KAZN: variants seen among roughly 807,000 people sequenced by gnomAD.
KAZN encodes the protein kazrin, periplakin interacting protein.
Under a neutral mutation model 87.4 loss-of-function variants are expected in KAZN, and 40 were observed. The ratio of observed to expected loss-of-function variants is 0.46; its 90% CI spans 0.36 to 0.60. The LOEUF is 0.60. Among genes scored for constraint, KAZN ranks in the 20% least tolerant of loss-of-function variants. The pLI is 0.00. For missense variants in KAZN, 898 were observed against 1,073.9 expected (o/e 0.84, Z 2.29); for synonymous variants, 466 against 458.3 (o/e 1.02, Z -0.22).
intron 1 of KAZN, among the ~76,000 whole-genome samples, chr1:14,659,732 T>C (rs976110496): frequency 6.6e-6 from 1 of 152,156 alleles, no homozygotes; most frequent in South Asian, 2.1e-4. Flanking sequence ...ATGATCCCTA[T>C]TGGCCCTACA....
chr1:13,914,840 G>A (rs560623779), intron 1 of KAZN, among the ~76,000 whole-genome samples: 1 of 152,156 alleles, frequency 6.6e-6, no homozygotes, highest in African/African-American at 2.4e-5. Context: ...TGAGACAGCT[G>A]CAAGGAAATA....
chr1:13,904,353 T>G (rs572030160), intron 1 of KAZN, among the ~76,000 whole-genome samples: 4 of 151,946 alleles, frequency 2.6e-5, no homozygotes, highest in Non-Finnish European at 5.9e-5. Context: ...AAGCAGAAAG[T>G]ATTGCTGGGA....
chr1:14,156,578 A>ATAT (rs2101813935), intron 1 of KAZN, among the ~76,000 whole-genome samples: 1 of 152,322 alleles, frequency 6.6e-6, no homozygotes, highest in Admixed American at 6.5e-5. Context: ...CCCATTTATC[A>ATAT]TTACATAGTG....
At chr1:14,636,276 CT>C (rs1274648176) in intron 1 of KAZN, among the ~76,000 whole-genome samples, 1 of 152,204 alleles carries the variant, frequency 6.6e-6, no homozygotes, top group Non-Finnish European at 1.5e-5. Context: ...CCATTCTGCT[CT>C]GAAATTCCTA....
chr1:14,864,126 C>A (rs368563469), intron 1 of KAZN, among the ~76,000 whole-genome samples: 4 of 152,166 alleles, frequency 2.6e-5, no homozygotes, highest in East Asian at 3.8e-4. Context: ...AGGATTCTAC[C>A]CCCACCAGCA....
chr1:13,907,474 C>A (rs934210350), intron 1 of KAZN, among the ~76,000 whole-genome samples: 3 of 136,036 alleles, frequency 2.2e-5, no homozygotes, highest in African/African-American at 8.3e-5. Context: ...AAGGCAAGGC[C>A]TTTGAGGGGT....
intron 1 of KAZN, among the ~76,000 whole-genome samples, chr1:14,780,657 A>G (rs1645304442): frequency 6.6e-6 from 1 of 152,216 alleles, no homozygotes; most frequent in East Asian, 1.9e-4. Context: ...ACAAAGTACT[A>G]TTCTAGAGGC....
chr1:14,005,628 ACT>A (rs1243142133), intron 1 of KAZN, among the ~76,000 whole-genome samples: 3 of 152,046 alleles, frequency 2.0e-5, no homozygotes, highest in Admixed American at 2.0e-4. Context: ...ATTTGAACTG[ACT>A]CTTTTAGATA....
At chr1:14,827,420 G>A (rs1026168946) in intron 1 of KAZN, among the ~76,000 whole-genome samples, 5 of 152,076 alleles carry the variant, frequency 3.3e-5, no homozygotes, top group African/African-American at 1.2e-4. Context: ...CCCACCCTTT[G>A]CCCTGAGTCC....
At chr1:14,988,804 G>A (rs1480903000) in intron 2 of KAZN, among the ~76,000 whole-genome samples, 1 of 152,196 alleles carries the variant, frequency 6.6e-6, no homozygotes, top group Non-Finnish European at 1.5e-5. Context: ...GGGTCATGGA[G>A]AGGAGAGGGG....
chr1:14,275,704 A>C (rs142786174), intron 2 of KAZN, among the ~76,000 whole-genome samples: 7 of 152,254 alleles, frequency 4.6e-5, no homozygotes, highest in African/African-American at 1.7e-4. Context: ...GAGCCAATAG[A>C]CATTTGGGTT....
At chr1:14,793,690 C>G (rs1465105055) in intron 1 of KAZN, among the ~76,000 whole-genome samples, 2 of 152,172 alleles carry the variant, frequency 1.3e-5, no homozygotes, top group African/African-American at 2.4e-5. Context: ...CGCTCTGTGA[C>G]TTGAGACAGA....
rs369221189 is a variant in KAZN, at chr1:14,087,412, GT to G, written c.92-93019del. On this transcript the variant is annotated intron_variant, in intron 1 of 16. Coordinates refer to the KAZN transcript ENST00000636203. ...ATCATTTAGTCTACAATAAAAGCCA[GT>G]TTTAATTATTTCTTTTTAACTTCTT... Among the ~76,000 whole-genome samples the G allele has an allele frequency of 2.6e-3, 403 of 152,200 alleles. 2 individuals carry two copies. Among genetic ancestry groups the G allele is most frequent in the African/African-American group, 9.1e-3 (380 of 41,562 alleles).
chr1:14,386,035 T>C (rs1293673030), intron 2 of KAZN, among the ~76,000 whole-genome samples: 6 of 151,924 alleles, frequency 3.9e-5, no homozygotes, highest in Non-Finnish European at 8.8e-5. Context: ...AGTTAGCTCT[T>C]CTTGTTGAAT....
At chr1:14,629,377 TC>T (rs1679391982) in intron 1 of KAZN, among the ~76,000 whole-genome samples, 1 of 152,174 alleles carries the variant, frequency 6.6e-6, no homozygotes, top group Admixed American at 6.5e-5. Flanking sequence ...AGTAGGCTGT[TC>T]CCTTTGCTCT....
intron 1 of KAZN, among the ~76,000 whole-genome samples, chr1:13,894,149 C>T (rs1475098737): frequency 1.3e-4 from 20 of 152,146 alleles, no homozygotes; most frequent in Non-Finnish European, 2.2e-4. Flanking sequence ...CAGCTTGCCT[C>T]TCTCTGCTCC....
chr1:14,394,749 T>C (rs906147939), intron 2 of KAZN, among the ~76,000 whole-genome samples: 5 of 152,218 alleles, frequency 3.3e-5, no homozygotes, highest in Non-Finnish European at 5.9e-5. Context: ...GGGCTGGTAT[T>C]AGTGCTTTGC....
chr1:14,720,983 C>G (rs2100284645), intron 1 of KAZN, among the ~76,000 whole-genome samples: 1 of 152,276 alleles, frequency 6.6e-6, no homozygotes, highest in East Asian at 1.9e-4. Context: ...CTGGCTTGGC[C>G]CCTGCCCTTG....
chr1:14,169,674 C>A (rs191475571), intron 1 of KAZN, among the ~76,000 whole-genome samples: 203 of 152,238 alleles, frequency 1.3e-3, no homozygotes, highest in African/African-American at 4.6e-3. Flanking sequence ...GAGGCTCATA[C>A]GGGAATTAGG....
Sources: gnomAD v4.1 joint callset for allele counts (sites outside exome capture counted in the v4.1 genomes callset) on GRCh38, gnomAD v4.1.1 for gene constraint, MANE v1.5 for transcripts, NCBI Gene and HGNC (gene_info 2026-07-23, HGNC 2026-07-21) for gene names.